Variants in SH3D21 observed in about 807,000 individuals in gnomAD.
The protein encoded by SH3D21 is manchette microtubule inner protein 1.
A neutral mutation model predicts 82.1 loss-of-function variants in SH3D21; 83 were observed. That is an observed-to-expected ratio of 1.01 (90% CI 0.85 to 1.21). SH3D21 has a LOEUF of 1.21. Ranked by LOEUF, SH3D21 falls within the 50% of genes most tolerant of loss-of-function variation. The pLI is 0.00. For missense variants in SH3D21, 980 were observed against 962.1 expected, an observed-to-expected ratio of 1.02 and a Z score of -0.25; for synonymous variants, 383 against 387.8, an observed-to-expected ratio of 0.99 and a Z score of 0.15.
intron 14 of SH3D21, 58 bp from the exon 15 acceptor site, chr1:36,320,857 C>T: frequency 1.9e-6 from 3 of 1,550,414 alleles, no homozygotes; most frequent in Middle Eastern, 3.3e-4. Flanking sequence ...CTCACCTGCG[C>T]AGCCCCTCAC....
In SH3D21 at chr1:36,321,250, TG is replaced by T; in HGVS notation, c.*128del. 6.8e-7 allele frequency: 1 copy of T among 1,475,424 alleles called. No homozygotes were observed. The allele number at this position is 1,475,424 out of a possible 1,614,324, so 91.4% of individuals were successfully genotyped here. A position where few individuals can be genotyped will look rare whatever the true frequency, so the allele number is the denominator to read the frequency against. On this transcript the variant is annotated 3_prime_UTR_variant, in exon 16 of 16. Transcript: ENST00000453908. This position sits in a 1 kb window ranked among gnomAD's most constrained non-coding sequence, Gnocchi z 6.1. Reference sequence around the variant, plus strand: ...CACGGCGCCACGCCGGTCTGGTCGCTGGGGGCGGGGCCTGCGCGGGGGCAGG... The same window carrying T: ...CACGGCGCCACGCCGGTCTGGTCGCTGGGGCGGGGCCTGCGCGGGGGCAGG...
chr1:36,320,403 C>T lies in SH3D21; in HGVS notation c.1740C>T (p.His580=). Residue 580 remains histidine (H), a synonymous_variant, in exon 14 of 16, where the codon CAC becomes CAT. Transcript: ENST00000453908. ...PASRPALEKP[H]PHEEATTLPE... Reference sequence around the variant, plus strand: ...CCAGGCCTGCCCTTGAGAAGCCCCACCCCCACGAAGAGGCTACAACCCTTC... The same window carrying T: ...CCAGGCCTGCCCTTGAGAAGCCCCATCCCCACGAAGAGGCTACAACCCTTC... 6.2e-7 allele frequency: 1 copy of T among 1,613,606 alleles called. No individual in the cohort carries two copies. The highest frequency in any genetic ancestry group is 1.3e-5 in the African/African-American group (1 of 75,028).
At chr1:36,321,423 C>G (rs1363238193), downstream of SH3D21, 6 of 1,244,198 alleles carry the variant, frequency 4.8e-6, no homozygotes, top group South Asian at 9.4e-5. This position sits in a 1 kb window ranked among gnomAD's most constrained non-coding sequence, Gnocchi z 6.1. Flanking sequence ...GGACTCCAGC[C>G]GCGCACTGGA....
rs1262965179 is a variant in SH3D21 at position 36,306,918 on chromosome 1, G to T, written c.226+13G>T. On this transcript the variant is annotated intron_variant, in intron 3 of 15. Coordinates refer to ENST00000453908, the MANE Select transcript of SH3D21 (RefSeq NM_001162530.2). The surrounding 1 kb of genome is among the most constrained non-coding windows in gnomAD (Gnocchi z 4.5). The stretch of plus-strand genomic sequence containing the variant: ...GCGCGCCGCCGAGGTGAGCGCAAGG[G>T]CGGGGACGGGCGCCGGTGGGCGGGT... 2 of 1,318,734 alleles carry T rather than the reference G, an allele frequency of 1.5e-6. No homozygotes were observed. Among genetic ancestry groups the T allele is most frequent in the African/African-American group, 3.1e-5 (2 of 64,190 alleles). 81.7% of individuals were successfully genotyped at this position (1,318,734 alleles called of 1,614,324 possible).
chr1:36,318,497 G>A (rs563858484), intron 10 of SH3D21, among the ~76,000 whole-genome samples: 9 of 152,288 alleles, frequency 5.9e-5, no homozygotes, highest in African/African-American at 1.2e-4. Context: ...TGGGCTGGGC[G>A]CGATGGCTCA....
At chr1:36,310,190 G>A (rs1000731433) in intron 10 of SH3D21, among the ~76,000 whole-genome samples, 3 of 151,936 alleles carry the variant, frequency 2.0e-5, no homozygotes, top group Admixed American at 6.6e-5. Flanking sequence ...TCCTGACCTC[G>A]TGATCCACCC....
chr1:36,306,922 G>C lies in SH3D21; in HGVS notation c.226+17G>C. On this transcript the variant is annotated intron_variant, in intron 3 of 15. Transcript: ENST00000453908. This position sits in a 1 kb window ranked among gnomAD's most constrained non-coding sequence, Gnocchi z 4.5. Reference sequence around the variant, plus strand: ...GCCGCCGAGGTGAGCGCAAGGGCGGGGACGGGCGCCGGTGGGCGGGTGCAC... The same window carrying C: ...GCCGCCGAGGTGAGCGCAAGGGCGGCGACGGGCGCCGGTGGGCGGGTGCAC... 1.5e-6 allele frequency: 2 copies of C among 1,323,950 alleles called. No homozygotes were observed. Among genetic ancestry groups the C allele is most frequent in the Non-Finnish European group, 2.0e-6 (2 of 1,019,850 alleles). 82.0% of individuals were successfully genotyped at this position (1,323,950 alleles called of 1,614,324 possible).
At position 36,315,446 on chromosome 1, in the gene SH3D21, T is replaced by C. The variant is rs1254334775; in HGVS notation, c.770-3625T>C. ...CTCACTGCAACCCCTGCCTCCTGGG[T>C]TCAAGCGATTCTCCCGCCTTAGCCT... On this transcript the variant is annotated intron_variant, in intron 10 of 15. Coordinates refer to ENST00000453908, the MANE Select transcript of SH3D21 (RefSeq NM_001162530.2). 4.0e-5 allele frequency among the ~76,000 whole-genome samples: 6 copies of C among 151,792 alleles called. No individual in the cohort carries two copies. In the East Asian group the frequency reaches 1.2e-3, roughly 30 times the overall value.
At chr1:36,313,434 A>T (rs1012590005) in intron 10 of SH3D21, among the ~76,000 whole-genome samples, 13 of 151,840 alleles carry the variant, frequency 8.6e-5, no homozygotes, top group African/African-American at 3.1e-4. Flanking sequence ...TCATTATGGG[A>T]TTATTTTAAA....
chr1:36,311,456 G>A (rs1646239764), intron 10 of SH3D21, among the ~76,000 whole-genome samples: 1 of 150,310 alleles, frequency 6.7e-6, no homozygotes. Flanking sequence ...TAGCCAGGAT[G>A]GTCTCAATCT....
Position 36,319,129 on chromosome 1 carries a change from G to A in SH3D21, c.828G>A (p.Lys276=). The part of the protein sequence containing the change: ...MPKTSLPTVK[K]LATATTGPSK... ...AAACATCCCTCCCCACAGTCAAGAA[G>A]CTAGCAACAGCCACCACTGGGCCCA... Residue 276 remains lysine, a synonymous_variant, in exon 11 of 16, where the codon AAG becomes AAA. Transcript: ENST00000453908. The A allele has an allele frequency of 1.9e-6, 3 of 1,551,662 alleles. No homozygotes were observed. Among genetic ancestry groups the A allele is most frequent in the Non-Finnish European group, 2.6e-6 (3 of 1,146,964 alleles).
At chr1:36,330,099 C>T (rs1377620990), downstream of SH3D21, among the ~76,000 whole-genome samples, 3 of 152,098 alleles carry the variant, frequency 2.0e-5, no homozygotes, top group African/African-American at 7.2e-5. Context: ...AGTCAAGACA[C>T]CTGCACCCCC....
chr1:36,309,512 T>A, intron 9 of SH3D21, 36 bp from the exon 10 acceptor site: 1 of 1,550,730 alleles, frequency 6.4e-7, no homozygotes. Context: ...GATTTTTAGA[T>A]TAAGGATGCT....
Position 36,307,146 on chromosome 1 carries a change from G to A in SH3D21, c.227-21G>A, listed in dbSNP as rs561757081. Reference sequence around the variant, plus strand: ...GACTGGGGCGTCCGACTGGAGCTCAGCCGCGCTTGTCCGGTGCTAGGTCAT... The same window carrying A: ...GACTGGGGCGTCCGACTGGAGCTCAACCGCGCTTGTCCGGTGCTAGGTCAT... On this transcript the variant is annotated intron_variant, in intron 3 of 15. Coordinates refer to ENST00000453908, the MANE Select transcript of SH3D21 (RefSeq NM_001162530.2). This position sits in a 1 kb window ranked among gnomAD's most constrained non-coding sequence, Gnocchi z 5.4. 96 of 1,551,082 alleles carry A rather than the reference G, an allele frequency of 6.2e-5. No individual in the cohort carries two copies. The highest frequency in any genetic ancestry group is 7.5e-5 in the Non-Finnish European group (86 of 1,146,784).
In SH3D21 at chr1:36,319,843, G is replaced by C. The variant is rs749449765; in HGVS notation, c.1180G>C (p.Asp394His). The C allele has an allele frequency of 1.2e-6, 2 of 1,613,892 alleles. No homozygotes were observed. Among genetic ancestry groups the C allele is most frequent in the Non-Finnish European group, 1.7e-6 (2 of 1,179,954 alleles). The change falls in exon 14 of 16, where the codon GAC (aspartate) becomes CAC (histidine). Residue 394 changes from aspartate to histidine, a missense_variant. Transcript: ENST00000453908. ...PSPEKTLTLGDKASIPGNSTS... is the reference protein window; with the variant it reads ...PSPEKTLTLGHKASIPGNSTS... The stretch of plus-strand genomic sequence containing the variant: ...CCCAGAGAAGACCCTCACTCTAGGG[G>C]ACAAGGCCTCTATCCCAGGGAACTC...
chr1:36,322,025 C>CTT, downstream of SH3D21: 2 of 1,283,018 alleles, frequency 1.6e-6, no homozygotes, highest in Non-Finnish European at 2.0e-6. Context: ...GAGGGAGAGA[C>CTT]TGAGTCACTG....
intron 10 of SH3D21, among the ~76,000 whole-genome samples, chr1:36,314,009 C>G (rs1212455901): frequency 6.0e-4 from 13 of 21,820 alleles, no homozygotes; most frequent in African/African-American, 1.7e-3. Context: ...GAGTCTCGCT[C>G]TGTCACCCAG....
chr1:36,319,190 AAGGAGGAGGGT>A (rs1646398466), intron 11 of SH3D21, 26 bp downstream of exon 11: 1 of 1,549,914 alleles, frequency 6.5e-7, no homozygotes, highest in Non-Finnish European at 8.7e-7. Context: ...GGGTTGGGGG[AAGGAGGAGGGT>A]AGGAGGCAAC....
Position 36,319,128 on chromosome 1 carries a change from A to T in SH3D21, c.827A>T (p.Lys276Met), listed in dbSNP as rs1454334219. The T allele has an allele frequency of 2.6e-6, 4 of 1,551,626 alleles. No homozygotes were observed. The highest frequency in any genetic ancestry group is 3.5e-6 in the Non-Finnish European group (4 of 1,146,944). The change falls in exon 11 of 16, where the codon AAG becomes ATG. Residue 276 changes from lysine to methionine, a missense_variant. Coordinates refer to ENST00000453908, the MANE Select transcript of SH3D21 (RefSeq NM_001162530.2). Reference sequence around the variant, plus strand: ...AAAACATCCCTCCCCACAGTCAAGAAGCTAGCAACAGCCACCACTGGGCCC... The same window carrying T: ...AAAACATCCCTCCCCACAGTCAAGATGCTAGCAACAGCCACCACTGGGCCC... ...MPKTSLPTVK[K>M]LATATTGPSK...
Sources: allele counts gnomAD v4.1 joint callset (sites outside exome capture counted in the v4.1 genomes callset), GRCh38; gene constraint gnomAD v4.1.1; non-coding constraint Gnocchi (gnomAD v3.1); transcripts MANE v1.5; gene names NCBI Gene and HGNC (gene_info 2026-07-23, HGNC 2026-07-21).